Variants in LRRK2 observed in about 807,000 individuals in gnomAD.
LRRK2 encodes leucine rich repeat kinase 2.
A neutral mutation model predicts 302.6 loss-of-function variants in LRRK2; 203 were observed. The observed-to-expected ratio is 0.67, with a 90% CI of 0.60 to 0.75. The LOEUF (loss-of-function observed/expected upper bound fraction) is 0.75. Ranked by LOEUF, LRRK2 falls within the 30% of genes least tolerant of loss-of-function variation. The probability of loss-of-function intolerance (pLI) is 0.00; values close to 1 mark genes in which losing one functional copy is unlikely to be tolerated. For synonymous variants in LRRK2, 1,066 were observed against 1,031.9 expected, an observed-to-expected ratio of 1.03 and a Z score of -0.63; for missense variants, 2,830 against 2,951.0, an observed-to-expected ratio of 0.96 and a Z score of 0.95.
chr12:40,243,473 T>C (rs1033276137), intron 6 of LRRK2, 77 bp from the exon 7 acceptor site: 13 of 1,512,886 alleles, frequency 8.6e-6, no homozygotes, highest in Admixed American at 5.1e-5. Context: ...TTACAGTCTA[T>C]ATAAGACGTC....
chr12:40,240,340 C>A, intron 5 of LRRK2, 143 bp from the exon 6 acceptor site: 3 of 767,068 alleles, frequency 3.9e-6, no homozygotes, highest in Middle Eastern at 3.8e-4. Context: ...TTAGGAAGGG[C>A]TGCTTCACAG....
At chr12:40,357,576 C>T (rs921032189) in intron 46 of LRRK2, among the ~76,000 whole-genome samples, 8 of 152,044 alleles carry the variant, frequency 5.3e-5, no homozygotes, top group Admixed American at 1.3e-4. Flanking sequence ...TATGGGCATT[C>T]GTTTTTTTCC....
At chr12:40,226,234 A>G (rs929000975) in intron 2 of LRRK2, among the ~76,000 whole-genome samples, 1 of 152,194 alleles carries the variant, frequency 6.6e-6, no homozygotes, top group African/African-American at 2.4e-5. Context: ...TACAATCTGT[A>G]CCATAGGAAA....
chr12:40,345,379 TTGGGAGGCCGAGG>T (rs1410671292), intron 41 of LRRK2, among the ~76,000 whole-genome samples: 1 of 151,908 alleles, frequency 6.6e-6, no homozygotes, highest in Non-Finnish European at 1.5e-5. Flanking sequence ...TCCCAACACT[TTGGGAGGCCGAGG>T]TGGGTGGATC....
chr12:40,357,495 T>C (rs1398840040), intron 46 of LRRK2, among the ~76,000 whole-genome samples: 2 of 152,212 alleles, frequency 1.3e-5, no homozygotes, highest in African/African-American at 2.4e-5. Flanking sequence ...AGTTCTATTT[T>C]TAATTTTTTT....
intron 41 of LRRK2, among the ~76,000 whole-genome samples, chr12:40,344,008 T>G (rs757375523): frequency 6.6e-6 from 1 of 152,184 alleles, no homozygotes; most frequent in African/African-American, 2.4e-5. Context: ...AGGAGAAGAT[T>G]AGAAGTTTAA....
At chr12:40,254,584 G>A (rs965792891) in intron 11 of LRRK2, among the ~76,000 whole-genome samples, 1 of 152,196 alleles carries the variant, frequency 6.6e-6, no homozygotes, top group African/African-American at 2.4e-5. Flanking sequence ...GGCACCTTTA[G>A]AGTGGAGGTA....
At chr12:40,271,882 C>T (rs1481550969) in intron 14 of LRRK2, among the ~76,000 whole-genome samples, 1 of 152,026 alleles carries the variant, frequency 6.6e-6, no homozygotes, top group Non-Finnish European at 1.5e-5. Flanking sequence ...TTAACCTGTA[C>T]TGAAATGGTT....
chr12:40,227,375 C>G (rs1940950643), intron 2 of LRRK2, among the ~76,000 whole-genome samples: 1 of 152,064 alleles, frequency 6.6e-6, no homozygotes, highest in South Asian at 2.1e-4. Flanking sequence ...CATAATTTCC[C>G]TGCTATACTA....
chr12:40,352,175 G>A (rs1001613587), intron 44 of LRRK2, among the ~76,000 whole-genome samples: 11 of 152,150 alleles, frequency 7.2e-5, no homozygotes, highest in Non-Finnish European at 1.5e-4. Context: ...GCAATCTGCT[G>A]GGAGGTGGGG....
At position 40,248,116 on chromosome 12, in the gene LRRK2, C is replaced by G. The variant is rs542659394; in HGVS notation, c.839-1710C>G. Reference sequence around the variant, plus strand: ...GGCTGATATCTGATAATGTTTTAATCTAATTCAAAGTCGATTTCTTAAATC... The same window carrying G: ...GGCTGATATCTGATAATGTTTTAATGTAATTCAAAGTCGATTTCTTAAATC... On this transcript the variant is annotated intron_variant, in intron 7 of 50. Transcript: ENST00000298910. 1.4e-4 allele frequency among the ~76,000 whole-genome samples: 21 copies of G among 152,178 alleles called. 1 individual carries two copies. Among genetic ancestry groups the G allele is most frequent in the African/African-American group, 5.1e-4 (21 of 41,532 alleles).
chr12:40,247,588 A>T (rs534375242), intron 7 of LRRK2, among the ~76,000 whole-genome samples: 1 of 142,350 alleles, frequency 7.0e-6, no homozygotes, highest in Non-Finnish European at 1.5e-5. Context: ...TTATACACAG[A>T]TGTATATAAA....
At position 40,366,911 on chromosome 12, in the gene LRRK2, A is replaced by G. The variant is rs1592355838; in HGVS notation, c.7391-95A>G. The G allele has an allele frequency of 5.9e-6, 5 of 842,662 alleles. No homozygotes were observed. The East Asian group carries it at 1.3e-4, about 23-fold the overall frequency. The allele number at this position is 842,662 out of a possible 1,614,324, so 52.2% of individuals were successfully genotyped here. ...AGAATTGTGAATTCAGTTCCAAGGT[A>G]TTTGTGTCTTAAACTATGAACAACT... On this transcript the variant is annotated intron_variant, in intron 49 of 50. Transcript: ENST00000298910.
chr12:40,236,747 GA>G (rs1456959933), intron 4 of LRRK2, among the ~76,000 whole-genome samples: 6 of 152,050 alleles, frequency 3.9e-5, no homozygotes, highest in African/African-American at 1.4e-4. Flanking sequence ...GAGTATGAGG[GA>G]AAAACAAGAA....
chr12:40,265,548 G>C (rs1942971827), intron 14 of LRRK2, among the ~76,000 whole-genome samples: 1 of 152,130 alleles, frequency 6.6e-6, no homozygotes, highest in Non-Finnish European at 1.5e-5. Context: ...GGGAAGAAGT[G>C]TTACTAGTAA....
At chr12:40,356,774 A>G (rs2137017851) in intron 46 of LRRK2, among the ~76,000 whole-genome samples, 1 of 152,352 alleles carries the variant, frequency 6.6e-6, no homozygotes, top group African/African-American at 2.4e-5. Context: ...GAAAAAGAAT[A>G]GATTGAATGT....
chr12:40,358,801 A>T (rs10784532), intron 46 of LRRK2, among the ~76,000 whole-genome samples: 39,434 of 151,832 alleles, frequency 0.26, 5,912 homozygotes, highest in Middle Eastern at 0.4. Context: ...GAATCTGTAG[A>T]TTGCTTTGGG....
At chr12:40,366,515 C>A (rs1011722206) in intron 49 of LRRK2, 1 of 161,768 alleles carries the variant, frequency 6.2e-6, no homozygotes, top group African/African-American at 2.4e-5. Context: ...AGCCTAGGGC[C>A]TACATAGAAG....
chr12:40,322,719 A>G (rs931466453), intron 37 of LRRK2, among the ~76,000 whole-genome samples: 2 of 152,120 alleles, frequency 1.3e-5, no homozygotes, highest in African/African-American at 4.8e-5. Context: ...GAGGGTTTGA[A>G]TGCTGGCTTA....
Sources: allele counts gnomAD v4.1 joint callset (sites outside exome capture counted in the v4.1 genomes callset), GRCh38; gene constraint gnomAD v4.1.1; transcripts MANE v1.5; gene names NCBI Gene and HGNC (gene_info 2026-07-23, HGNC 2026-07-21).